TOR1AIP1: variants seen among roughly 807,000 people sequenced by gnomAD.
TOR1AIP1 encodes torsin 1A interacting protein 1.
In TOR1AIP1, 54 loss-of-function variants were observed where a neutral mutation model predicts 63.3. The ratio of observed to expected loss-of-function variants is 0.85; its 90% confidence interval spans 0.69 to 1.07. The LOEUF (loss-of-function observed/expected upper bound fraction) is 1.07. Ranked by LOEUF, TOR1AIP1 falls within the 50% of genes least tolerant of loss-of-function variation. TOR1AIP1 has a pLI of 0.00. For synonymous variants in TOR1AIP1, 294 were observed against 273.5 expected (o/e 1.07, Z -0.74); for missense variants, 736 against 715.0 (o/e 1.03, Z -0.33).
At chr1:179,914,093 A>G (rs751304306) in intron 9 of TOR1AIP1, 39 bp downstream of exon 9, 83 of 1,563,068 alleles carry the variant, frequency 5.3e-5, no homozygotes, top group Non-Finnish European at 6.4e-5. Context: ...ATATTTCTGT[A>G]AAATTGGTAT....
chr1:179,902,297 A>G (rs1648493955), intron 5 of TOR1AIP1, among the ~76,000 whole-genome samples: 1 of 152,038 alleles, frequency 6.6e-6, no homozygotes, highest in East Asian at 1.9e-4. Flanking sequence ...AAGTGCTGAG[A>G]TTACAGGCCT....
At position 179,918,339 on chromosome 1, in the gene TOR1AIP1, CT is replaced by C. The variant is rs1184337432; in HGVS notation, c.*105del. 2 of 1,184,560 alleles carry C rather than the reference CT, an allele frequency of 1.7e-6. No homozygotes were observed. Among genetic ancestry groups the C allele is most frequent in the African/African-American group, 3.1e-5 (2 of 64,910 alleles). 73.4% of individuals were successfully genotyped at this position (1,184,560 alleles called of 1,614,324 possible). On this transcript the variant is annotated 3_prime_UTR_variant, in exon 10 of 10. Coordinates refer to ENST00000606911, the MANE Select transcript of TOR1AIP1 (RefSeq NM_015602.4). ...GAGCTCTTTTTGAAAGAACTAGTTT[CT>C]TTTTAAAGAAGTTAAGTGCTTACAT...
At chr1:179,883,041 C>T in intron 1 of TOR1AIP1, 64 bp downstream of exon 1, 1 of 1,469,598 alleles carries the variant, frequency 6.8e-7, no homozygotes, top group Non-Finnish European at 9.3e-7. Flanking sequence ...CGGGCGCGCG[C>T]CTCGGTGGAG....
At chr1:179,907,116 G>A in intron 6 of TOR1AIP1, among the ~76,000 whole-genome samples, 1 of 151,640 alleles carries the variant, frequency 6.6e-6, no homozygotes, top group East Asian at 2.0e-4. Flanking sequence ...GGGCATGGTG[G>A]CTCATGCCTG....
intron 3 of TOR1AIP1, among the ~76,000 whole-genome samples, chr1:179,898,689 A>G (rs998909286): frequency 1.4e-4 from 22 of 152,188 alleles, no homozygotes; most frequent in African/African-American, 5.3e-4. Context: ...GGAGTTTGAG[A>G]CCAGCCTGGT....
chr1:179,882,536 C>G lies in TOR1AIP1; in HGVS notation c.34C>G (p.Arg12Gly). ...CGACGGGCGGCGGGCAGAGGCGGTG[C>G]GGGAAGGATGGGGTGTGTACGTCAC... is the stretch of plus-strand genomic sequence containing the variant. ...AGDGRRAEAVREGWGVYVTPR... is the reference protein window; with the variant it reads ...AGDGRRAEAVGEGWGVYVTPR... Residue 12 changes from arginine to glycine, a missense_variant, in exon 1 of 10, where the codon CGG becomes GGG. Coordinates refer to ENST00000606911, the MANE Select transcript of TOR1AIP1 (RefSeq NM_015602.4). 6.8e-7 allele frequency: 1 copy of G among 1,473,108 alleles called. No individual in the cohort carries two copies. Among genetic ancestry groups the G allele is most frequent in the Non-Finnish European group, 9.0e-7 (1 of 1,113,444 alleles). The allele number at this position is 1,473,108 out of a possible 1,614,324, so 91.3% of individuals were successfully genotyped here. A position where few individuals can be genotyped will look rare whatever the true frequency, so the allele number is the denominator to read the frequency against.
In TOR1AIP1 at chr1:179,908,689, T is replaced by A. The variant is rs770359129; in HGVS notation, c.907+16T>A. 6.2e-7 allele frequency: 1 copy of A among 1,601,678 alleles called. No individual in the cohort carries two copies. ...AGGATGCAAAGTAAGTAGATAAATC[T>A]CTGTTATTGAAATAATCTTGTGTAT... On this transcript the variant is annotated intron_variant, in intron 8 of 9. Transcript: ENST00000606911.
At chr1:179,915,352 T>C (rs145962774) in intron 9 of TOR1AIP1, among the ~76,000 whole-genome samples, 1 of 152,392 alleles carries the variant, frequency 6.6e-6, no homozygotes, top group African/African-American at 2.4e-5. Flanking sequence ...ACTGGTCATT[T>C]GGAAAACATT....
At chr1:179,905,757 A>G (rs2148478913) in intron 6 of TOR1AIP1, among the ~76,000 whole-genome samples, 1 of 152,308 alleles carries the variant, frequency 6.6e-6, no homozygotes, top group African/African-American at 2.4e-5. Flanking sequence ...GTTTGAGACC[A>G]GCCTGGCCAA....
intron 1 of TOR1AIP1, among the ~76,000 whole-genome samples, chr1:179,884,427 C>T (rs116465498): frequency 2.7e-3 from 416 of 152,214 alleles, no homozygotes; most frequent in African/African-American, 9.4e-3. Flanking sequence ...CTCTCTACCC[C>T]ATCTTTTTGA....
chr1:179,908,012 G>A (rs1423620774), intron 7 of TOR1AIP1, 148 bp downstream of exon 7: 8 of 515,186 alleles, frequency 1.6e-5, no homozygotes, highest in Middle Eastern at 5.5e-4. Flanking sequence ...GGGTTCACGC[G>A]ATTCTCCTGC....
chr1:179,912,057 C>T (rs1388106697), intron 8 of TOR1AIP1, among the ~76,000 whole-genome samples: 2 of 127,812 alleles, frequency 1.6e-5, no homozygotes, highest in African/African-American at 6.1e-5. Context: ...AACGGTCTTG[C>T]TCTGTTGCCT....
At chr1:179,889,648 C>T (rs1045074635) in intron 3 of TOR1AIP1, among the ~76,000 whole-genome samples, 30 of 125,854 alleles carry the variant, frequency 2.4e-4, no homozygotes, top group South Asian at 5.7e-4. Flanking sequence ...ACTCTCATTT[C>T]TGTCTTTTTT....
At chr1:179,905,361 A>G (rs1648600146) in intron 6 of TOR1AIP1, among the ~76,000 whole-genome samples, 1 of 152,198 alleles carries the variant, frequency 6.6e-6, no homozygotes. Context: ...AGCCTGGGCG[A>G]CAGAGTGAGA....
At chr1:179,903,509 A>AC (rs1291468744) in intron 5 of TOR1AIP1, among the ~76,000 whole-genome samples, 2 of 148,168 alleles carry the variant, frequency 1.3e-5, no homozygotes, top group African/African-American at 5.0e-5. Flanking sequence ...AACTTTTTTA[A>AC]CCTTTTTTTT....
intron 8 of TOR1AIP1, 78 bp downstream of exon 8, chr1:179,908,751 C>A: frequency 8.3e-7 from 1 of 1,205,882 alleles, no homozygotes; most frequent in Non-Finnish European, 1.2e-6. Flanking sequence ...TTTAGTTCTT[C>A]AGATAAACAT....
At chr1:179,903,915 A>G (rs2148478117) in intron 5 of TOR1AIP1, 51 bp from the exon 6 acceptor site, 2 of 1,267,014 alleles carry the variant, frequency 1.6e-6, no homozygotes, top group Middle Eastern at 2.2e-4. Flanking sequence ...TGTAAAATGT[A>G]CAGTCTAAAA....
intron 8 of TOR1AIP1, 64 bp from the exon 9 acceptor site, chr1:179,913,934 A>G: frequency 7.0e-7 from 1 of 1,430,016 alleles, no homozygotes; most frequent in Non-Finnish European, 9.7e-7. Flanking sequence ...TTTGTCTACT[A>G]GAAATAAATA....
chr1:179,902,342 T>C (rs1259707606), intron 5 of TOR1AIP1, among the ~76,000 whole-genome samples: 2 of 152,032 alleles, frequency 1.3e-5, no homozygotes, highest in Non-Finnish European at 2.9e-5. Context: ...TCCTATTCTT[T>C]ACCTCATCAT....
Sources: allele counts gnomAD v4.1 joint callset (sites outside exome capture counted in the v4.1 genomes callset), GRCh38; gene constraint gnomAD v4.1.1; transcripts MANE v1.5; gene names NCBI Gene and HGNC (gene_info 2026-07-23, HGNC 2026-07-21).